USP47: variants seen among roughly 807,000 people sequenced by gnomAD.
USP47 encodes the protein ubiquitin carboxyl-terminal hydrolase 47.
A neutral mutation model predicts 165.1 loss-of-function variants in USP47; 35 were observed. The ratio of observed to expected loss-of-function variants is 0.21; its 90% CI spans 0.16 to 0.28. The LOEUF (loss-of-function observed/expected upper bound fraction) is 0.28. Among genes scored for constraint, USP47 ranks in the 10% least tolerant of loss-of-function variants. The probability of loss-of-function intolerance (pLI) is 1.00; values close to 1 mark genes in which losing one functional copy is unlikely to be tolerated. For missense variants in USP47, 1,277 were observed against 1,607.4 expected (o/e 0.79, Z 3.52); for synonymous variants, 531 against 544.5 (o/e 0.98, Z 0.35).
chr11:11,861,212 A>G (rs1421255185), intron 1 of USP47, among the ~76,000 whole-genome samples: 2 of 152,106 alleles, frequency 1.3e-5, no homozygotes, highest in African/African-American at 4.8e-5. Flanking sequence ...CTCCTGCCCC[A>G]GCCTCCTAAG....
At chr11:11,913,275 AAAC>A (rs1369904703) in intron 8 of USP47, among the ~76,000 whole-genome samples, 11 of 149,360 alleles carry the variant, frequency 7.4e-5, no homozygotes, top group African/African-American at 1.8e-4. Context: ...AAAAAAAAAA[AAAC>A]AACACCTGAA....
At position 11,936,512 on chromosome 11, in the gene USP47, T is replaced by C; in HGVS notation, c.2077+2T>C. 1 of 1,568,042 alleles carries C rather than the reference T, an allele frequency of 6.4e-7. No individual in the cohort carries two copies. The highest frequency in any genetic ancestry group is 8.7e-7 in the Non-Finnish European group (1 of 1,152,568). ...TTTTCCAATCTTATAAACCTGGAGG[T>C]GAGCAATTTTACACTATTTTTAGTT... On this transcript the variant is annotated splice_donor_variant, in intron 17 of 27. Transcript: ENST00000527733. LOFTEE classifies it high-confidence loss of function.
intron 4 of USP47, among the ~76,000 whole-genome samples, chr11:11,896,925 G>A (rs995221743): frequency 2.0e-5 from 3 of 151,918 alleles, no homozygotes; most frequent in Admixed American, 6.6e-5. Context: ...ACCATGCTTG[G>A]TCTTTTCTTG....
intron 1 of USP47, among the ~76,000 whole-genome samples, chr11:11,868,333 CT>C (rs1333605331): frequency 3.9e-5 from 6 of 152,164 alleles, no homozygotes; most frequent in African/African-American, 1.4e-4. Flanking sequence ...TCACTAATCT[CT>C]TCTCCATTTC....
intron 19 of USP47, among the ~76,000 whole-genome samples, chr11:11,941,147 A>G (rs919876392): frequency 1.3e-5 from 2 of 151,904 alleles, no homozygotes; most frequent in African/African-American, 4.8e-5. Flanking sequence ...TCATCTTAGT[A>G]CAGTCTAGTC....
At chr11:11,915,073 C>A (rs1262960091) in intron 8 of USP47, among the ~76,000 whole-genome samples, 1 of 152,156 alleles carries the variant, frequency 6.6e-6, no homozygotes, top group Non-Finnish European at 1.5e-5. Flanking sequence ...AAACTGGAAT[C>A]AGCCCATATC....
intron 1 of USP47, among the ~76,000 whole-genome samples, chr11:11,847,958 CTAT>C (rs1359045365): frequency 6.6e-6 from 1 of 152,170 alleles, no homozygotes; most frequent in Non-Finnish European, 1.5e-5. Context: ...ACAGTATTAG[CTAT>C]TATTCTTCAT....
intron 3 of USP47, among the ~76,000 whole-genome samples, chr11:11,889,935 G>A (rs957613077): frequency 3.3e-5 from 5 of 151,988 alleles, no homozygotes; most frequent in African/African-American, 1.2e-4. Flanking sequence ...CAACAAACCA[G>A]ACAAAAGCAA....
Position 11,930,770 on chromosome 11 carries a change from A to G in USP47, c.1651+19A>G. 5.0e-6 allele frequency: 8 copies of G among 1,591,214 alleles called. No individual in the cohort carries two copies. Among genetic ancestry groups the G allele is most frequent in the Non-Finnish European group, 6.0e-6 (7 of 1,168,762 alleles). Reference sequence around the variant, plus strand: ...AATGCAAGTATGTTTACCTACAGTTATTTGATTTTAATTTGTGTTATAAAC... The same window carrying G: ...AATGCAAGTATGTTTACCTACAGTTGTTTGATTTTAATTTGTGTTATAAAC... On this transcript the variant is annotated intron_variant, in intron 14 of 27. Coordinates refer to ENST00000527733, the MANE Select transcript of USP47 (RefSeq NM_001282659.2).
In USP47 at chr11:11,959,044, T is replaced by C. The variant is rs1847340100; in HGVS notation, c.*2869T>C. ...GCAGGAGAGAGCTACCAACTTACAC[T>C]GTGGTTTAAGCTAAATGACCGCACA... is the stretch of plus-strand genomic sequence containing the variant. On this transcript the variant is annotated 3_prime_UTR_variant, in exon 28 of 28. Coordinates refer to ENST00000527733, the MANE Select transcript of USP47 (RefSeq NM_001282659.2). 6.6e-6 allele frequency: 1 copy of C among 152,248 alleles called. No homozygotes were observed. The highest frequency in any genetic ancestry group is 2.4e-5 in the African/African-American group (1 of 41,464). 9.4% of individuals were successfully genotyped at this position (152,248 alleles called of 1,614,324 possible). A position where few individuals can be genotyped will look rare whatever the true frequency, so the allele number is the denominator to read the frequency against.
intron 13 of USP47, 98 bp from the exon 14 acceptor site, chr11:11,930,598 G>T: frequency 2.1e-6 from 2 of 933,282 alleles, no homozygotes; most frequent in Admixed American, 2.7e-5. Context: ...TTTTCTAATT[G>T]TTTTTTAAAA....
intron 27 of USP47, 146 bp downstream of exon 27, chr11:11,955,310 A>C (rs1008029626): frequency 9.5e-7 from 1 of 1,054,602 alleles, no homozygotes; most frequent in African/African-American, 1.6e-5. Flanking sequence ...CATGATTATA[A>C]TTTGAAGTTT....
At chr11:11,842,364 G>A in intron 1 of USP47, 140 bp downstream of exon 1, 1 of 974,674 alleles carries the variant, frequency 1.0e-6, no homozygotes, top group Non-Finnish European at 1.5e-6. Flanking sequence ...GCAGTCGGGG[G>A]TGGACGGTGG....
intron 20 of USP47, among the ~76,000 whole-genome samples, chr11:11,947,471 A>G (rs931007524): frequency 6.6e-6 from 1 of 152,228 alleles, no homozygotes; most frequent in South Asian, 2.1e-4. Flanking sequence ...TGCTGAAAGC[A>G]TGATAAATGA....
Position 11,933,086 on chromosome 11 carries a change from A to G in USP47, c.1734A>G (p.Arg578=). The change falls in exon 15 of 28, where the codon AGA becomes AGG. Residue 578 remains arginine (R), a synonymous_variant. Transcript: ENST00000527733. ...GAGAGTTGGAAGAACAAGAAAAGAG[A>G]CAACGAGAAATTGAGCGCAATACAT... The part of the protein sequence containing the change: ...KERELEEQEK[R]QREIERNTCK... The G allele has an allele frequency of 6.2e-7, 1 of 1,613,328 alleles. No individual in the cohort carries two copies. Among genetic ancestry groups the G allele is most frequent in the South Asian group, 1.1e-5 (1 of 91,036 alleles).
rs779981926 is a variant in USP47, at chr11:11,942,390, A to G, written c.2369A>G (p.His790Arg). Residue 790 changes from histidine to arginine, a missense_variant, in exon 20 of 28, where the codon CAT (histidine) becomes CGT (arginine). Physicochemically the swap from His to Arg is conservative, Grantham distance 29. Transcript: ENST00000527733. ...TACCAGATGGCCTTTGCAGACTCTC[A>G]TTTATGGAAACTCCTGGATCGGCAT... The part of the protein sequence containing the change: ...LDYQMAFADS[H>R]LWKLLDRHAN... The G allele has an allele frequency of 8.1e-6, 13 of 1,613,118 alleles. No homozygotes were observed. In the Admixed American group the frequency reaches 1.2e-4, roughly 15 times the overall value.
At chr11:11,842,677 G>A (rs928347059) in intron 1 of USP47, among the ~76,000 whole-genome samples, 9 of 152,150 alleles carry the variant, frequency 5.9e-5, no homozygotes, top group African/African-American at 2.2e-4. Context: ...GAGATCTGTG[G>A]GAGGGCAGAC....
chr11:11,938,299 CTG>C lies in USP47; in HGVS notation c.2122_2123del (p.Val708SerfsTer30). On this transcript the variant is annotated frameshift_variant, in exon 18 of 28. Coordinates refer to ENST00000527733, the MANE Select transcript of USP47 (RefSeq NM_001282659.2). LOFTEE classifies it high-confidence loss of function. ...CATGTTGTTGATCTAAAGGCAGAAT[CTG>C]TAGCTGCTCCTATAACTGTTCGTGC... 1 of 1,612,270 alleles carries C rather than the reference CTG, an allele frequency of 6.2e-7. No homozygotes were observed. Among genetic ancestry groups the C allele is most frequent in the Non-Finnish European group, 8.5e-7 (1 of 1,178,824 alleles).
At chr11:11,872,454 C>T (rs1850128286) in intron 1 of USP47, among the ~76,000 whole-genome samples, 1 of 152,162 alleles carries the variant, frequency 6.6e-6, no homozygotes, top group African/African-American at 2.4e-5. Flanking sequence ...TAGACTCCTA[C>T]TTTACGTAGG....
Sources: gnomAD v4.1 joint callset for allele counts (sites outside exome capture counted in the v4.1 genomes callset) on GRCh38, gnomAD v4.1.1 for gene constraint, MANE v1.5 for transcripts, NCBI Gene and HGNC (gene_info 2026-07-23, HGNC 2026-07-21) for gene names.